The following LBP variants were observed in gnomAD, a reference collection of about 807,000 sequenced individuals.
LBP encodes the protein lipopolysaccharide binding protein.
Under a neutral mutation model 56.6 loss-of-function variants are expected in LBP, and 53 were observed. That is an observed-to-expected ratio of 0.94 (90% confidence interval 0.75 to 1.18). The LOEUF (loss-of-function observed/expected upper bound fraction) is 1.18, where lower values mean the gene tolerates loss of function less well. Among genes scored for constraint, LBP ranks in the 50% most tolerant of loss-of-function variants. The pLI is 0.00. For synonymous variants in LBP, 227 were observed against 247.5 expected, an observed-to-expected ratio of 0.92 and a Z score of 0.78; for missense variants, 601 against 598.3, an observed-to-expected ratio of 1.00 and a Z score of -0.05.
intron 6 of LBP, among the ~76,000 whole-genome samples, chr20:38,361,432 T>A (rs1347680882): frequency 6.6e-6 from 1 of 152,116 alleles, no homozygotes; most frequent in Non-Finnish European, 1.5e-5. Context: ...TGAGATGGGG[T>A]CTCACTCTGT....
At position 38,354,488 on chromosome 20, in the gene LBP, C is replaced by T. The variant is rs2232588; in HGVS notation, c.524+49C>T. ...CAGCTGGACTCCTGGTTGCAGCTCCCGGCCAATCCAGCGCTCAGCCTGGCC... is the reference window on the plus strand; with the variant it reads ...CAGCTGGACTCCTGGTTGCAGCTCCTGGCCAATCCAGCGCTCAGCCTGGCC... On this transcript the variant is annotated intron_variant, in intron 4 of 14. Coordinates refer to ENST00000217407, the MANE Select transcript of LBP (RefSeq NM_004139.5). The T allele has an allele frequency of 7.5e-3, 11,687 of 1,554,820 alleles. 532 individuals are homozygous for T. In the East Asian group the frequency reaches 0.13, roughly 17 times the overall value.
Position 38,369,059 on chromosome 20 carries a change from T to C in LBP, c.1046T>C (p.Leu349Pro), listed in dbSNP as rs779323864. 5 of 1,614,054 alleles carry C rather than the reference T, an allele frequency of 3.1e-6. No individual in the cohort carries two copies. In the East Asian group the frequency reaches 1.1e-4, roughly 36 times the overall value. ...GGATCAGTGCCCTCTGCTCCGCTCC[T>C]GAACTTCAGCCCTGGGAATCTGTCT... Reference protein sequence around the residue: ...LQGSVPSAPLLNFSPGNLSVD... With the variant: ...LQGSVPSAPLPNFSPGNLSVD... Residue 349 changes from leucine (L) to proline (P), a missense_variant, in exon 10 of 15, where the codon CTG (leucine) becomes CCG (proline). Physicochemically the swap from Leu to Pro is moderately conservative, Grantham distance 98. Coordinates refer to ENST00000217407, the MANE Select transcript of LBP (RefSeq NM_004139.5).
intron 4 of LBP, 36 bp downstream of exon 4, chr20:38,354,475 T>C (rs368898731): frequency 8.2e-6 from 13 of 1,579,240 alleles, no homozygotes; most frequent in Admixed American, 5.2e-5. Flanking sequence ...GCTGGACTCC[T>C]GGTTGCAGCT....
intron 7 of LBP, 23 bp from the exon 8 acceptor site, chr20:38,364,553 T>C (rs755370816): frequency 2.0e-5 from 32 of 1,613,202 alleles, no homozygotes; most frequent in East Asian, 6.7e-5. Context: ...AAAAGTCCAA[T>C]TGGACCCTAT....
chr20:38,373,008 G>A (rs373577560), intron 12 of LBP, 64 bp from the exon 13 acceptor site: 1 of 1,394,312 alleles, frequency 7.2e-7, no homozygotes, highest in Non-Finnish European at 1.0e-6. Context: ...TGCTATGTTG[G>A]CACACACAGA....
Position 38,360,762 on chromosome 20 carries a change from T to G in LBP, c.647T>G (p.Leu216Arg). The G allele has an allele frequency of 6.2e-7, 1 of 1,610,628 alleles. No individual in the cohort carries two copies. The highest frequency in any genetic ancestry group is 8.5e-7 in the Non-Finnish European group (1 of 1,176,882). Residue 216 changes from leucine (L) to arginine (R), a missense_variant, in exon 6 of 15, where the codon CTG becomes CGG. By Grantham distance (102) the Leu-to-Arg change is moderately radical. Coordinates refer to ENST00000217407, the MANE Select transcript of LBP (RefSeq NM_004139.5). Reference protein sequence around the residue: ...SSDLQPYLQTLPVTTEIDSFA... With the variant: ...SSDLQPYLQTRPVTTEIDSFA... ...GATCTACAGCCTTATCTCCAAACTC[T>G]GCCAGGTAGGACACCCCATCCATCC...
At chr20:38,373,051 A>G (rs1229873870) in intron 12 of LBP, 21 bp from the exon 13 acceptor site, 1 of 1,610,780 alleles carries the variant, frequency 6.2e-7, no homozygotes, top group South Asian at 1.1e-5. Context: ...ATGTAAATAT[A>G]TCTCTCCTGT....
intron 5 of LBP, among the ~76,000 whole-genome samples, chr20:38,356,740 G>T (rs765048019): frequency 1.3e-5 from 2 of 152,182 alleles, no homozygotes; most frequent in South Asian, 2.1e-4. Flanking sequence ...ATGCTGTACA[G>T]AATATATTAT....
intron 5 of LBP, among the ~76,000 whole-genome samples, chr20:38,358,066 C>T (rs1477780781): frequency 2.0e-5 from 3 of 152,176 alleles, no homozygotes; most frequent in Non-Finnish European, 4.4e-5. Context: ...CTGCTGACCT[C>T]CTAGCTCATC....
At position 38,350,946 on chromosome 20, in the gene LBP, TG is replaced by T. The variant is rs1186821779; in HGVS notation, c.368+9del. On this transcript the variant is annotated splice_region_variant and intron_variant, in intron 3 of 14. Transcript: ENST00000217407. ...AGGTGCGCAAGTCATTCTTGTAAGTTGGCTCTGCTCCCAGGCCCTGGAGCTC... is the reference window on the plus strand; with the variant it reads ...AGGTGCGCAAGTCATTCTTGTAAGTTGCTCTGCTCCCAGGCCCTGGAGCTC... The T allele has an allele frequency of 6.2e-7, 1 of 1,612,878 alleles. No homozygotes were observed. The highest frequency in any genetic ancestry group is 1.7e-5 in the Admixed American group (1 of 60,010).
At chr20:38,373,013 C>A in intron 12 of LBP, 59 bp from the exon 13 acceptor site, 1 of 1,467,942 alleles carries the variant, frequency 6.8e-7, no homozygotes, top group African/African-American at 1.4e-5. Context: ...TGTTGGCACA[C>A]ACAGAACCAC....
At chr20:38,349,697 G>T in intron 2 of LBP, 35 bp downstream of exon 2, 1 of 1,412,442 alleles carries the variant, frequency 7.1e-7, no homozygotes, top group Non-Finnish European at 9.8e-7. Flanking sequence ...CTCTGAAGTG[G>T]CTGGAGCTGG....
chr20:38,355,483 C>T (rs1451412593), intron 5 of LBP, 74 bp downstream of exon 5: 3 of 1,332,254 alleles, frequency 2.3e-6, no homozygotes, highest in South Asian at 2.4e-5. Flanking sequence ...GACCAATGGC[C>T]CTGGACCAGG....
Position 38,360,780 on chromosome 20 carries a change from A to T in LBP, c.652+13A>T, listed in dbSNP as rs1963134021. The T allele has an allele frequency of 6.3e-7, 1 of 1,591,948 alleles. No individual in the cohort carries two copies. On this transcript the variant is annotated intron_variant, in intron 6 of 14. Transcript: ENST00000217407. ...CAAACTCTGCCAGGTAGGACACCCC[A>T]TCCATCCCGGGACACTTTTATTTCT...
chr20:38,360,616 G>A (rs1354807084), intron 5 of LBP, 88 bp from the exon 6 acceptor site: 23 of 830,048 alleles, frequency 2.8e-5, no homozygotes, highest in Middle Eastern at 2.3e-4. Context: ...CTGAGCACAT[G>A]TGTGGAATAA....
At chr20:38,364,154 C>T (rs1156989352) in intron 7 of LBP, 88 bp downstream of exon 7, 1 of 860,940 alleles carries the variant, frequency 1.2e-6, no homozygotes, top group Non-Finnish European at 1.9e-6. Context: ...AACTTCAGAT[C>T]TGTCCTCATC....
intron 12 of LBP, among the ~76,000 whole-genome samples, chr20:38,372,135 G>A (rs569591839): frequency 1.4e-4 from 22 of 152,224 alleles, no homozygotes; most frequent in Non-Finnish European, 2.4e-4. Flanking sequence ...AAGAGAACGT[G>A]AAAATCAGTG....
Position 38,370,640 on chromosome 20 carries a change from C to T in LBP, c.1150-98C>T, listed in dbSNP as rs2076897690. 7.5e-6 allele frequency: 8 copies of T among 1,061,984 alleles called. 1 individual carries two copies. In the South Asian group the frequency reaches 1.0e-4, roughly 14 times the overall value. 65.8% of individuals were successfully genotyped at this position (1,061,984 alleles called of 1,614,324 possible). ...AAATTTCCTGCTTTAGCTCATTGAG[C>T]TGTTTGTTGAGAGGAGACAGTTGGT... On this transcript the variant is annotated intron_variant, in intron 10 of 14. Coordinates refer to ENST00000217407, the MANE Select transcript of LBP (RefSeq NM_004139.5).
At chr20:38,353,479 CTTTTTTTT>C (rs35504317) in intron 3 of LBP, among the ~76,000 whole-genome samples, 6 of 69,100 alleles carry the variant, frequency 8.7e-5, no homozygotes, top group South Asian at 7.8e-4. Context: ...AGGCTGCTTC[CTTTTTTTT>C]TTTTTTTTTT....
Sources: gnomAD v4.1 joint callset for allele counts (sites outside exome capture counted in the v4.1 genomes callset) on GRCh38, gnomAD v4.1.1 for gene constraint, MANE v1.5 for transcripts, NCBI Gene and HGNC (gene_info 2026-07-23, HGNC 2026-07-21) for gene names.